SPATA18: variants seen among roughly 807,000 people sequenced by gnomAD.
The protein encoded by SPATA18 is spermatogenesis associated 18.
A neutral mutation model predicts 68.1 loss-of-function variants in SPATA18; 54 were observed. That is an observed-to-expected ratio of 0.79 (90% confidence interval 0.64 to 0.99). SPATA18 has a LOEUF of 0.99. Ranked by LOEUF, SPATA18 falls within the 50% of genes least tolerant of loss-of-function variation. The pLI, the probability that SPATA18 is intolerant of heterozygous loss-of-function variation, is 0.00. For synonymous variants in SPATA18, 242 were observed against 244.8 expected, an observed-to-expected ratio of 0.99 and a Z score of 0.11; for missense variants, 724 against 681.1, an observed-to-expected ratio of 1.06 and a Z score of -0.70.
At chr4:52,077,105 A>C in intron 7 of SPATA18, 65 bp downstream of exon 7, 1 of 1,497,112 alleles carries the variant, frequency 6.7e-7, no homozygotes, top group Non-Finnish European at 8.9e-7. Flanking sequence ...TGTAACGTGA[A>C]TGGAACAACT....
intron 4 of SPATA18, 44 bp from the exon 5 acceptor site, chr4:52,069,777 C>A: frequency 1.4e-6 from 2 of 1,449,638 alleles, no homozygotes; most frequent in Non-Finnish European, 1.9e-6. Flanking sequence ...AGAAAGTCTG[C>A]CAATTTTGAA....
intron 11 of SPATA18, among the ~76,000 whole-genome samples, chr4:52,093,790 A>G (rs1742184054): frequency 6.6e-6 from 1 of 152,198 alleles, no homozygotes; most frequent in African/African-American, 2.4e-5. Flanking sequence ...GCTCAGAAAG[A>G]ACACATTAAT....
In SPATA18 at chr4:52,051,555, C is replaced by G; in HGVS notation, c.-150C>G. 1 of 763,880 alleles carries G rather than the reference C, an allele frequency of 1.3e-6. No homozygotes were observed. Among genetic ancestry groups the G allele is most frequent in the Non-Finnish European group, 2.2e-6 (1 of 450,234 alleles). 47.3% of individuals were successfully genotyped at this position (763,880 alleles called of 1,614,324 possible). ...TTCCCGAACCCGGCCAGGTCCGACC[C>G]GAGGGGGAGGATGGAAACACCTGCC... On this transcript the variant is annotated 5_prime_UTR_variant, in exon 1 of 13. Transcript: ENST00000295213.
rs1738798147 is a variant in SPATA18 at position 52,060,967 on chromosome 4, G to A, written c.309+70G>A. The A allele has an allele frequency of 4.8e-6, 6 of 1,252,974 alleles. No homozygotes were observed. In the African/African-American group the frequency reaches 7.4e-5, roughly 16 times the overall value. 77.6% of individuals were successfully genotyped at this position (1,252,974 alleles called of 1,614,324 possible). On this transcript the variant is annotated intron_variant, in intron 3 of 12. Transcript: ENST00000295213. ...TAAAACGAATCAGAAACCTCCAAGA[G>A]AAGAAGAGGACTTGATTTTGGTAGA...
At position 52,076,924 on chromosome 4, in the gene SPATA18, C is replaced by G; in HGVS notation, c.904C>G (p.Leu302Val). Residue 302 changes from leucine to valine, a missense_variant, in exon 7 of 13, where the codon CTC (leucine) becomes GTC (valine). Physicochemically the swap from Leu to Val is conservative, Grantham distance 32. Transcript: ENST00000295213. ...KLSNVARKAA[L>V]LSRFSDSYSQ... ...GTCCAATGTGGCGCGCAAGGCTGCC[C>G]TCTTGTCCCGGTTCAGCGATTCCTA... 6.2e-7 allele frequency: 1 copy of G among 1,614,190 alleles called. No individual in the cohort carries two copies. The highest frequency in any genetic ancestry group is 8.5e-7 in the Non-Finnish European group (1 of 1,180,030).
chr4:52,093,500 A>G (rs1403683295), intron 11 of SPATA18, among the ~76,000 whole-genome samples: 1 of 152,210 alleles, frequency 6.6e-6, no homozygotes, highest in African/African-American at 2.4e-5. Context: ...ATATAGCATC[A>G]TTATCTTTTT....
chr4:52,059,338 T>A (rs1282183227), intron 1 of SPATA18, among the ~76,000 whole-genome samples: 1 of 152,220 alleles, frequency 6.6e-6, no homozygotes, highest in South Asian at 2.1e-4. Flanking sequence ...AGGTGACACA[T>A]AAATCGATGC....
chr4:52,092,904 C>T (rs994963343), intron 11 of SPATA18, among the ~76,000 whole-genome samples: 5 of 152,066 alleles, frequency 3.3e-5, no homozygotes, highest in Non-Finnish European at 1.5e-5. Flanking sequence ...AACAGAAAAC[C>T]AAATACCTTT....
chr4:52,079,592 T>C (rs1262690264), intron 8 of SPATA18, 152 bp from the exon 9 acceptor site: 2 of 839,428 alleles, frequency 2.4e-6, no homozygotes, highest in African/African-American at 3.4e-5. Flanking sequence ...GGCAACATCT[T>C]TCTCCTTTTA....
At position 52,051,402 on chromosome 4, in the gene SPATA18, G is replaced by A. The variant is rs977419305; in HGVS notation, c.-303G>A. ...CGTCCCTGGCAGCCAACCCGTCCAC[G>A]TCAAGGTTTGTTTAATAATCGCCAG... On this transcript the variant is annotated 5_prime_UTR_variant, in exon 1 of 13. Transcript: ENST00000295213. 6.2e-6 allele frequency: 2 copies of A among 324,184 alleles called. No individual in the cohort carries two copies. Among genetic ancestry groups the A allele is most frequent in the East Asian group, 5.6e-5 (1 of 17,700 alleles). 20.1% of individuals were successfully genotyped at this position (324,184 alleles called of 1,614,324 possible).
At chr4:52,074,473 A>T (rs1207548182) in intron 6 of SPATA18, among the ~76,000 whole-genome samples, 3 of 152,210 alleles carry the variant, frequency 2.0e-5, no homozygotes, top group Admixed American at 6.5e-5. Flanking sequence ...GGTGTTCAAA[A>T]CCAGGGAAGC....
chr4:52,069,724 T>C (rs1739629963), intron 4 of SPATA18, 97 bp from the exon 5 acceptor site: 3 of 690,206 alleles, frequency 4.3e-6, no homozygotes, highest in Non-Finnish European at 6.6e-6. Flanking sequence ...TGTTGAACTA[T>C]GTCATATACC....
At chr4:52,092,160 G>A (rs982194255) in intron 11 of SPATA18, among the ~76,000 whole-genome samples, 8 of 152,096 alleles carry the variant, frequency 5.3e-5, no homozygotes, top group Non-Finnish European at 7.4e-5. Flanking sequence ...GATGGGACCC[G>A]CTGAGCCAGA....
intron 9 of SPATA18, among the ~76,000 whole-genome samples, chr4:52,081,730 C>T (rs989439028): frequency 6.6e-6 from 1 of 152,124 alleles, no homozygotes; most frequent in Non-Finnish European, 1.5e-5. Context: ...GCTTTTTAGA[C>T]TCAATTATAG....
chr4:52,093,304 A>T (rs1742143956), intron 11 of SPATA18, among the ~76,000 whole-genome samples: 1 of 152,172 alleles, frequency 6.6e-6, no homozygotes, highest in Admixed American at 6.5e-5. Flanking sequence ...GATTCCTCCC[A>T]GATTTGGTCA....
At chr4:52,066,438 C>T (rs1423870113) in intron 4 of SPATA18, among the ~76,000 whole-genome samples, 2 of 152,316 alleles carry the variant, frequency 1.3e-5, no homozygotes, top group African/African-American at 4.8e-5. Context: ...GCGTGAGCCA[C>T]GGCGCCCAGC....
At chr4:52,063,593 T>C (rs1420712733) in intron 4 of SPATA18, among the ~76,000 whole-genome samples, 1 of 152,164 alleles carries the variant, frequency 6.6e-6, no homozygotes, top group East Asian at 1.9e-4. Flanking sequence ...TCATTTTTGG[T>C]TTATCGTAGT....
At chr4:52,083,481 G>T (rs1436531189) in intron 10 of SPATA18, 2 of 985,178 alleles carry the variant, frequency 2.0e-6, no homozygotes, top group East Asian at 2.3e-4. Flanking sequence ...TGGGCATGGT[G>T]GCCCACACCT....
At chr4:52,054,552 T>C (rs1432033131) in intron 1 of SPATA18, among the ~76,000 whole-genome samples, 2 of 152,158 alleles carry the variant, frequency 1.3e-5, no homozygotes, top group Non-Finnish European at 2.9e-5. Context: ...CAAACATGCA[T>C]GTTACGTTCA....
Sources: gnomAD v4.1 joint callset for allele counts (sites outside exome capture counted in the v4.1 genomes callset) on GRCh38, gnomAD v4.1.1 for gene constraint, MANE v1.5 for transcripts, NCBI Gene and HGNC (gene_info 2026-07-23, HGNC 2026-07-21) for gene names.